GALNT13: variants seen among roughly 807,000 people sequenced by gnomAD.
The protein encoded by GALNT13 is polypeptide N-acetylgalactosaminyltransferase 13.
In GALNT13, 28 loss-of-function variants were observed where a neutral mutation model predicts 64.2. The observed-to-expected ratio is 0.44, with a 90% CI of 0.32 to 0.60. GALNT13 has a LOEUF of 0.60. Ranked by LOEUF, GALNT13 falls within the 20% of genes least tolerant of loss-of-function variation. The pLI is 0.05. For synonymous variants in GALNT13, 214 were observed against 224.6 expected, an observed-to-expected ratio of 0.95 and a Z score of 0.42; for missense variants, 577 against 669.8, an observed-to-expected ratio of 0.86 and a Z score of 1.53.
chr2:153,334,985 T>G, the GALNT13 span, among the ~76,000 whole-genome samples: 2 of 152,150 alleles, frequency 1.3e-5, no homozygotes, highest in African/African-American at 4.8e-5. Context: ...GGCCAGTCTT[T>G]CCCATGCTAT....
chr2:153,627,179 T>C, the GALNT13 span, among the ~76,000 whole-genome samples: 1 of 152,062 alleles, frequency 6.6e-6, no homozygotes, highest in Non-Finnish European at 1.5e-5. Context: ...CATTGAGGAC[T>C]GTACACTGAA....
chr2:153,181,347 C>A, the GALNT13 span, among the ~76,000 whole-genome samples: 1 of 146,542 alleles, frequency 6.8e-6, no homozygotes, highest in East Asian at 1.9e-4. Flanking sequence ...TAGTTTCATA[C>A]CATTACTGTC....
intron 9 of GALNT13, among the ~76,000 whole-genome samples, chr2:154,317,978 A>G (rs1030870578): frequency 9.9e-5 from 15 of 152,122 alleles, no homozygotes; most frequent in African/African-American, 3.6e-4. Context: ...TTTGCAGACT[A>G]TCAGTTTGTA....
At chr2:153,894,478 TATC>T (rs59001204) in intron 1 of GALNT13, among the ~76,000 whole-genome samples, 21,483 of 151,824 alleles carry the variant, frequency 0.14, 1,716 homozygotes, top group South Asian at 0.21. Context: ...TGATCGAAAA[TATC>T]ATGAGATCAT....
chr2:154,200,543 G>C, intron 4 of GALNT13, among the ~76,000 whole-genome samples: 1 of 152,268 alleles, frequency 6.6e-6, no homozygotes, highest in Non-Finnish European at 1.5e-5. Context: ...GGTGCTGTCA[G>C]GTTCAATGTC....
At chr2:153,284,637 G>A in the GALNT13 span, among the ~76,000 whole-genome samples, 2 of 152,130 alleles carry the variant, frequency 1.3e-5, no homozygotes, top group African/African-American at 4.8e-5. Context: ...TGGATCCCCA[G>A]TGGAAAGGTG....
chr2:153,835,227 A>G, the GALNT13 span, among the ~76,000 whole-genome samples: 2 of 152,008 alleles, frequency 1.3e-5, no homozygotes, highest in African/African-American at 4.8e-5. Flanking sequence ...ATAAAACATT[A>G]TAGCGTATAT....
At chr2:154,396,798 T>C (rs969716074) in intron 10 of GALNT13, among the ~76,000 whole-genome samples, 1 of 151,956 alleles carries the variant, frequency 6.6e-6, no homozygotes, top group Admixed American at 6.6e-5. Context: ...AAAGTGGTAT[T>C]GACGTTGTAG....
chr2:154,076,623 C>A (rs1701003098), intron 3 of GALNT13, among the ~76,000 whole-genome samples: 1 of 151,604 alleles, frequency 6.6e-6, no homozygotes, highest in African/African-American at 2.4e-5. Context: ...ATATGACAAC[C>A]CTAGAAATTA....
chr2:153,475,358 G>A, the GALNT13 span, among the ~76,000 whole-genome samples: 1 of 152,192 alleles, frequency 6.6e-6, no homozygotes. Flanking sequence ...TTGTATCTAA[G>A]GACTACATTT....
chr2:153,161,791 C>T, the GALNT13 span, among the ~76,000 whole-genome samples: 2 of 152,118 alleles, frequency 1.3e-5, no homozygotes, highest in African/African-American at 4.8e-5. Context: ...TGTCAGTTTC[C>T]ACTTTTGCCT....
intron 4 of GALNT13, among the ~76,000 whole-genome samples, chr2:154,213,789 GAATA>G (rs1179076316): frequency 6.6e-6 from 1 of 152,006 alleles, no homozygotes; most frequent in Non-Finnish European, 1.5e-5. Flanking sequence ...TTGATGAGAC[GAATA>G]AATATTTATT....
intron 11 of GALNT13, among the ~76,000 whole-genome samples, chr2:154,421,896 A>G (rs996514896): frequency 6.6e-6 from 1 of 152,178 alleles, no homozygotes; most frequent in Admixed American, 6.6e-5. Flanking sequence ...CATAGGGAAT[A>G]CAAAAGAATC....
the GALNT13 span, among the ~76,000 whole-genome samples, chr2:153,228,420 A>T: frequency 3.3e-5 from 5 of 152,332 alleles, no homozygotes; most frequent in Non-Finnish European, 7.3e-5. Context: ...TATTACAATG[A>T]TACAGACAAA....
intron 4 of GALNT13, among the ~76,000 whole-genome samples, chr2:154,183,125 T>A (rs971822963): frequency 6.6e-6 from 1 of 152,178 alleles, no homozygotes; most frequent in Non-Finnish European, 1.5e-5. Flanking sequence ...CTTTAAATAT[T>A]TGTTAGAATT....
chr2:153,826,029 C>A, the GALNT13 span, among the ~76,000 whole-genome samples: 4 of 152,164 alleles, frequency 2.6e-5, no homozygotes, highest in African/African-American at 9.7e-5. Flanking sequence ...TTCTGATACC[C>A]TTCTCTATCC....
the GALNT13 span, among the ~76,000 whole-genome samples, chr2:153,146,675 GTT>G: frequency 6.6e-6 from 1 of 151,822 alleles, no homozygotes; most frequent in Admixed American, 6.6e-5. Flanking sequence ...TTGTATCAGG[GTT>G]TCCTTCAGCT....
At chr2:154,361,251 A>T (rs942860265) in intron 9 of GALNT13, among the ~76,000 whole-genome samples, 2 of 152,138 alleles carry the variant, frequency 1.3e-5, no homozygotes, top group Non-Finnish European at 2.9e-5. Context: ...TGATGTATCC[A>T]TATACGGTTT....
intron 9 of GALNT13, among the ~76,000 whole-genome samples, chr2:154,350,637 C>G: frequency 6.6e-6 from 1 of 152,286 alleles, no homozygotes; most frequent in Admixed American, 6.5e-5. Context: ...AACTCACTTT[C>G]CTGTATATAT....
Sources: gnomAD v4.1 joint callset for allele counts (sites outside exome capture counted in the v4.1 genomes callset) on GRCh38, gnomAD v4.1.1 for gene constraint, MANE v1.5 for transcripts, NCBI Gene and HGNC (gene_info 2026-07-23, HGNC 2026-07-21) for gene names.